MPDZ: variants seen among roughly 807,000 people sequenced by gnomAD.
MPDZ encodes the protein multiple PDZ domain protein.
In MPDZ, 234 loss-of-function variants were observed where a neutral mutation model predicts 239.1. The ratio of observed to expected loss-of-function variants is 0.98; its 90% CI spans 0.88 to 1.09. MPDZ has a LOEUF of 1.09. Ranked by LOEUF, MPDZ falls within the 50% of genes least tolerant of loss-of-function variation. The pLI is 0.00. For missense variants in MPDZ, 3,175 were observed against 2,510.0 expected (o/e 1.26, Z -5.66); for synonymous variants, 1,048 against 881.3 (o/e 1.19, Z -3.35).
chr9:13,254,797 T>C lies in MPDZ; in HGVS notation c.-57-4425A>G, dbSNP rs75179535. Among the ~76,000 whole-genome samples, 579 of 152,342 alleles carry C rather than the reference T, an allele frequency of 3.8e-3. 2 individuals carry two copies. Among genetic ancestry groups the C allele is most frequent in the African/African-American group, 0.013 (540 of 41,586 alleles). On this transcript the variant is annotated intron_variant, in intron 1 of 46. Coordinates refer to ENST00000319217, the MANE Select transcript of MPDZ (RefSeq NM_001378778.1). The stretch of plus-strand genomic sequence containing the variant: ...ATTAAAAAAGTTTACTGTCAAAAAA[T>C]GCTAGTGATCATCTGAGCCTTTGGT...
chr9:13,137,081 A>G (rs1587119041), intron 29 of MPDZ, among the ~76,000 whole-genome samples: 1 of 152,128 alleles, frequency 6.6e-6, no homozygotes, highest in Non-Finnish European at 1.5e-5. Flanking sequence ...GAGAGTAGAC[A>G]ACAAATTTCC....
intron 13 of MPDZ, among the ~76,000 whole-genome samples, 160 bp from the exon 14 acceptor site, chr9:13,193,473 G>C (rs1587685545): frequency 6.6e-6 from 1 of 152,134 alleles, no homozygotes; most frequent in Non-Finnish European, 1.5e-5. Context: ...CTTTTCCTTT[G>C]AAAGAGTACT....
At chr9:13,173,695 ACTCT>A (rs947463860) in intron 21 of MPDZ, among the ~76,000 whole-genome samples, 1 of 149,744 alleles carries the variant, frequency 6.7e-6, no homozygotes, top group South Asian at 2.1e-4. Flanking sequence ...ACAAAGCGAA[ACTCT>A]CTCTCAAAAA....
intron 35 of MPDZ, 148 bp downstream of exon 35, chr9:13,125,068 C>G: frequency 1.7e-6 from 1 of 603,238 alleles, no homozygotes; most frequent in Non-Finnish European, 2.7e-6. Context: ...GAAGTCCTCT[C>G]TTTATATCCT....
chr9:13,243,679 C>G (rs1285806381), intron 3 of MPDZ, among the ~76,000 whole-genome samples: 1 of 152,122 alleles, frequency 6.6e-6, no homozygotes, highest in Admixed American at 6.6e-5. Context: ...CAACCCTGAT[C>G]CCATGTTAAC....
At chr9:13,275,075 A>G (rs1973865784) in intron 1 of MPDZ, among the ~76,000 whole-genome samples, 1 of 152,216 alleles carries the variant, frequency 6.6e-6, no homozygotes. Context: ...GCCAAACATC[A>G]AATTACCCCA....
Position 13,205,916 on chromosome 9 carries a change from C to T in MPDZ, c.1474G>A (p.Glu492Lys). The change falls in exon 11 of 47, where the codon GAA (glutamate) becomes AAA (lysine). Residue 492 changes from glutamate (E) to lysine (K), a missense_variant and splice_region_variant. Glu to Lys is a moderately conservative substitution (Grantham distance 56). Transcript: ENST00000319217. ...LSPVNASIIK[E>K]NYEKDEDFLS... ...AAAAACCAGATTAACATAGGATTAC[C>T]TTTGATTATGCTGGCATTAACAGGA... 1 of 1,582,726 alleles carries T rather than the reference C, an allele frequency of 6.3e-7. No homozygotes were observed. The highest frequency in any genetic ancestry group is 8.6e-7 in the Non-Finnish European group (1 of 1,165,502).
Position 13,106,074 on chromosome 9 carries a change from A to G in MPDZ, c.*891T>C, listed in dbSNP as rs1398339287. ...CTGTCATTAAGATTAATATGAATTGAAAACCAATTGCACAGCACACTAACA... is the reference window on the plus strand; with the variant it reads ...CTGTCATTAAGATTAATATGAATTGGAAACCAATTGCACAGCACACTAACA... On this transcript the variant is annotated 3_prime_UTR_variant, in exon 47 of 47. Transcript: ENST00000319217. 6.6e-6 allele frequency: 1 copy of G among 152,178 alleles called. No individual in the cohort carries two copies. The highest frequency in any genetic ancestry group is 1.5e-5 in the Non-Finnish European group (1 of 68,020). The allele number at this position is 152,178 out of a possible 1,614,324, so 9.4% of individuals were successfully genotyped here. A position where few individuals can be genotyped will look rare whatever the true frequency, so the allele number is the denominator to read the frequency against.
intron 13 of MPDZ, among the ~76,000 whole-genome samples, chr9:13,195,259 G>C (rs1587698322): frequency 6.6e-6 from 1 of 152,126 alleles, no homozygotes; most frequent in East Asian, 1.9e-4. Context: ...CTGCACTCCA[G>C]CCTGGGTGAC....
At position 13,138,146 on chromosome 9, in the gene MPDZ, G is replaced by C. The variant is rs1439092120; in HGVS notation, c.4011C>G (p.Ile1337Met). The change falls in exon 29 of 47, where the codon ATC (isoleucine) becomes ATG (methionine). Residue 1337 changes from isoleucine (I) to methionine (M), a missense_variant. Transcript: ENST00000319217. The part of the protein sequence containing the change: ...EDEFGYSWKN[I>M]RERYGTLTGE... ...CTGTTAGGGTTCCATAACGCTCTCT[G>C]ATATTTTCTACATACAACAACAACA... 3 of 1,574,868 alleles carry C rather than the reference G, an allele frequency of 1.9e-6. No individual in the cohort carries two copies.
At chr9:13,176,550 C>G (rs1952518276) in intron 19 of MPDZ, 133 bp from the exon 20 acceptor site, 1 of 792,488 alleles carries the variant, frequency 1.3e-6, no homozygotes, top group African/African-American at 1.7e-5. Flanking sequence ...ACTCAAAAAG[C>G]ATTAACAAAC....
rs556196347 is a variant in MPDZ at position 13,165,570 on chromosome 9, G to C, written c.3255-2775C>G. 4 of 667,838 alleles carry C rather than the reference G, an allele frequency of 6.0e-6. No homozygotes were observed. In the East Asian group the frequency reaches 1.1e-4, roughly 18 times the overall value. 41.4% of individuals were successfully genotyped at this position (667,838 alleles called of 1,614,324 possible). On this transcript the variant is annotated intron_variant, in intron 22 of 46. Transcript: ENST00000319217. ...CTCCCTCCCATCTACACCTCCCCCAGAAAAGCATCTGCTCTTTACTAGTGT... is the reference window on the plus strand; with the variant it reads ...CTCCCTCCCATCTACACCTCCCCCACAAAAGCATCTGCTCTTTACTAGTGT...
intron 26 of MPDZ, among the ~76,000 whole-genome samples, chr9:13,145,093 G>C (rs1405098423): frequency 6.6e-6 from 1 of 151,962 alleles, no homozygotes; most frequent in South Asian, 2.1e-4. Flanking sequence ...AGATCTCAGA[G>C]GATTAGAATT....
intron 32 of MPDZ, among the ~76,000 whole-genome samples, chr9:13,127,811 T>C (rs932017539): frequency 1.3e-5 from 2 of 152,196 alleles, no homozygotes; most frequent in Non-Finnish European, 2.9e-5. Context: ...GCTGCACCTT[T>C]AGAGTGAGCA....
At chr9:13,123,683 A>G (rs1356785706) in intron 35 of MPDZ, among the ~76,000 whole-genome samples, 3 of 152,206 alleles carry the variant, frequency 2.0e-5, no homozygotes, top group African/African-American at 7.2e-5. Flanking sequence ...ATGAATTAAA[A>G]GATTTATAGA....
At position 13,224,418 on chromosome 9, in the gene MPDZ, G is replaced by A. The variant is rs180982068; in HGVS notation, c.349C>T (p.Pro117Ser). ...AGCTGATCAAATTCATCACAAGCAG[G>A]TTTCCCATTAATGTGTGGAATACCA... The part of the protein sequence containing the change: ...GPGIPHINGK[P>S]ACDEFDQLIK... The change falls in exon 4 of 47, where the codon CCT becomes TCT. Residue 117 changes from proline to serine, a missense_variant. Physicochemically the swap from Pro to Ser is moderately conservative, Grantham distance 74. Transcript: ENST00000319217. 3.7e-6 allele frequency: 6 copies of A among 1,612,572 alleles called. No individual in the cohort carries two copies. Among genetic ancestry groups the A allele is most frequent in the Non-Finnish European group, 5.1e-6 (6 of 1,179,220 alleles).
At chr9:13,206,923 C>G (rs1184132468) in intron 10 of MPDZ, among the ~76,000 whole-genome samples, 1 of 152,078 alleles carries the variant, frequency 6.6e-6, no homozygotes, top group African/African-American at 2.4e-5. Context: ...AAGGGATCCT[C>G]CCACCTCAGC....
intron 32 of MPDZ, among the ~76,000 whole-genome samples, chr9:13,131,456 C>G (rs1306907245): frequency 6.6e-6 from 1 of 152,114 alleles, no homozygotes; most frequent in African/African-American, 2.4e-5. Flanking sequence ...GAGACCCAGA[C>G]AAGTTAAACG....
At chr9:13,205,354 C>A (rs1018657031) in intron 11 of MPDZ, among the ~76,000 whole-genome samples, 1 of 152,074 alleles carries the variant, frequency 6.6e-6, no homozygotes, top group African/African-American at 2.4e-5. Flanking sequence ...GAATGGTCAA[C>A]AATTTTAGAA....
Sources: gnomAD v4.1 joint callset for allele counts (sites outside exome capture counted in the v4.1 genomes callset) on GRCh38, gnomAD v4.1.1 for gene constraint, MANE v1.5 for transcripts, NCBI Gene and HGNC (gene_info 2026-07-23, HGNC 2026-07-21) for gene names.